Variants in GTF2F2 observed in about 807,000 individuals in gnomAD.
The protein encoded by GTF2F2 is ATP-dependent helicase GTF2F2.
A neutral mutation model predicts 42.2 loss-of-function variants in GTF2F2; 23 were observed. That is an observed-to-expected ratio of 0.55 (90% CI 0.39 to 0.77). The LOEUF (loss-of-function observed/expected upper bound fraction) is 0.77. GTF2F2 is among the 30% of genes least tolerant of loss of function. The pLI, the probability that GTF2F2 is intolerant of heterozygous loss-of-function variation, is 0.00. For missense variants in GTF2F2, 261 were observed against 287.2 expected, an observed-to-expected ratio of 0.91 and a Z score of 0.66; for synonymous variants, 105 against 100.8, an observed-to-expected ratio of 1.04 and a Z score of -0.25.
At chr13:45,192,621 A>G (rs566302138) in intron 4 of GTF2F2, among the ~76,000 whole-genome samples, 12 of 152,176 alleles carry the variant, frequency 7.9e-5, no homozygotes, top group Non-Finnish European at 1.8e-4. Context: ...CAGGGGGAAA[A>G]TACACTCATT....
intron 5 of GTF2F2, among the ~76,000 whole-genome samples, chr13:45,245,293 A>C (rs1875528471): frequency 6.6e-6 from 1 of 151,440 alleles, no homozygotes; most frequent in Non-Finnish European, 1.5e-5. Flanking sequence ...TATTCTTTAA[A>C]ATTTTTTTTT....
chr13:45,159,633 G>A (rs748439263), intron 4 of GTF2F2, among the ~76,000 whole-genome samples: 2 of 152,084 alleles, frequency 1.3e-5, no homozygotes, highest in Admixed American at 6.5e-5. Context: ...CCACCACGCC[G>A]GGCTAATTTT....
intron 6 of GTF2F2, among the ~76,000 whole-genome samples, chr13:45,257,579 T>C (rs1876155085): frequency 6.6e-6 from 1 of 152,184 alleles, no homozygotes; most frequent in Non-Finnish European, 1.5e-5. Flanking sequence ...GAACATCAAA[T>C]TTCCCCCCAT....
intron 2 of GTF2F2, among the ~76,000 whole-genome samples, chr13:45,143,286 T>C (rs917541898): frequency 3.3e-5 from 5 of 152,186 alleles, no homozygotes; most frequent in Non-Finnish European, 7.4e-5. Flanking sequence ...TAAAAAAATG[T>C]GTATTTGGGT....
chr13:45,277,226 A>T (rs568654620), intron 7 of GTF2F2, among the ~76,000 whole-genome samples: 2 of 152,302 alleles, frequency 1.3e-5, no homozygotes, highest in South Asian at 4.1e-4. Flanking sequence ...AAAATACCTG[A>T]GACTGGGTAA....
At chr13:45,212,723 G>A (rs1194280901) in intron 5 of GTF2F2, among the ~76,000 whole-genome samples, 1 of 151,520 alleles carries the variant, frequency 6.6e-6, no homozygotes, top group African/African-American at 2.4e-5. Flanking sequence ...CCTCCAGCAC[G>A]GCTGGCTAAT....
At chr13:45,158,324 A>T (rs965734957) in intron 4 of GTF2F2, among the ~76,000 whole-genome samples, 1 of 152,202 alleles carries the variant, frequency 6.6e-6, no homozygotes, top group South Asian at 2.1e-4. Context: ...CATGTAAGAC[A>T]TGCCTTTTGC....
At position 45,160,675 on chromosome 13, in the gene GTF2F2, G is replaced by A. The variant is rs147165081; in HGVS notation, c.304+8844G>A. Among the ~76,000 whole-genome samples, 748 of 151,818 alleles carry A rather than the reference G, an allele frequency of 4.9e-3. 8 individuals are homozygous for A. The highest frequency in any genetic ancestry group is 0.017 in the African/African-American group (709 of 41,378). On this transcript the variant is annotated intron_variant, in intron 4 of 7. Transcript: ENST00000340473. ...AAAAGTTTTTAAATATAGGGGAGCTGTTAAGTTTATGGTGATAGGTACAAG... is the reference window on the plus strand; with the variant it reads ...AAAAGTTTTTAAATATAGGGGAGCTATTAAGTTTATGGTGATAGGTACAAG...
intron 4 of GTF2F2, among the ~76,000 whole-genome samples, chr13:45,157,924 T>C (rs1346734108): frequency 6.6e-6 from 1 of 152,190 alleles, no homozygotes; most frequent in Non-Finnish European, 1.5e-5. Flanking sequence ...AAATAGAAAA[T>C]CAAATTTCAT....
chr13:45,185,843 G>GCA (rs1317011244), intron 4 of GTF2F2, among the ~76,000 whole-genome samples: 1 of 152,060 alleles, frequency 6.6e-6, no homozygotes, highest in African/African-American at 2.4e-5. Flanking sequence ...ACACAGCTAT[G>GCA]CACAGTCTTT....
intron 4 of GTF2F2, among the ~76,000 whole-genome samples, chr13:45,167,420 A>C (rs1446792492): frequency 1.1e-5 from 1 of 88,588 alleles, no homozygotes; most frequent in African/African-American, 4.9e-5. Context: ...TTTTTTTGAG[A>C]TAGAGCCTTG....
intron 4 of GTF2F2, among the ~76,000 whole-genome samples, chr13:45,162,794 T>A (rs370087037): frequency 1.3e-5 from 2 of 152,200 alleles, no homozygotes; most frequent in African/African-American, 4.8e-5. Flanking sequence ...AGTTTTTAAT[T>A]GTGAAATATT....
intron 5 of GTF2F2, among the ~76,000 whole-genome samples, chr13:45,244,176 A>G (rs1357827610): frequency 6.6e-6 from 1 of 152,130 alleles, no homozygotes; most frequent in East Asian, 1.9e-4. Flanking sequence ...ATAGAATTGT[A>G]TTAGTTGTAG....
At chr13:45,184,771 T>G (rs759000127) in intron 4 of GTF2F2, among the ~76,000 whole-genome samples, 2 of 152,050 alleles carry the variant, frequency 1.3e-5, no homozygotes, top group Non-Finnish European at 2.9e-5. Flanking sequence ...AACACCTGAG[T>G]GTTAACTGCC....
In GTF2F2 at chr13:45,253,656, C is replaced by T. The variant is rs373755221; in HGVS notation, c.486+686C>T. ...TGAGTAGTATGATGAAACCTAGCACCATCTTGCTCCATCCCATCCATGATG... is the reference window on the plus strand; with the variant it reads ...TGAGTAGTATGATGAAACCTAGCACTATCTTGCTCCATCCCATCCATGATG... On this transcript the variant is annotated intron_variant, in intron 6 of 7. Coordinates refer to ENST00000340473, the MANE Select transcript of GTF2F2 (RefSeq NM_004128.3). Among the ~76,000 whole-genome samples the T allele has an allele frequency of 9.8e-5, 15 of 152,302 alleles. No individual in the cohort carries two copies. The East Asian group carries it at 2.9e-3, about 29-fold the overall frequency.
At chr13:45,169,047 A>T (rs1289317568) in intron 4 of GTF2F2, among the ~76,000 whole-genome samples, 3 of 144,940 alleles carry the variant, frequency 2.1e-5, no homozygotes, top group African/African-American at 7.8e-5. Flanking sequence ...CCAGGCTGGG[A>T]TTTCTCCATG....
intron 7 of GTF2F2, among the ~76,000 whole-genome samples, chr13:45,275,415 T>G (rs1876989826): frequency 6.6e-6 from 1 of 151,736 alleles, no homozygotes; most frequent in African/African-American, 2.4e-5. Flanking sequence ...AACTCATCAT[T>G]TACATTAGGT....
chr13:45,126,169 G>A (rs1191656225), intron 1 of GTF2F2, among the ~76,000 whole-genome samples: 3 of 151,974 alleles, frequency 2.0e-5, no homozygotes, highest in African/African-American at 7.3e-5. Flanking sequence ...GGCTTTAGAG[G>A]CTAGCAGTTG....
At chr13:45,220,503 A>G (rs1301110196) in intron 5 of GTF2F2, among the ~76,000 whole-genome samples, 1 of 152,190 alleles carries the variant, frequency 6.6e-6, no homozygotes, top group Non-Finnish European at 1.5e-5. Flanking sequence ...AGTATTTTCC[A>G]TACTTATACT....
Sources: allele counts gnomAD v4.1 joint callset (sites outside exome capture counted in the v4.1 genomes callset), GRCh38; gene constraint gnomAD v4.1.1; transcripts MANE v1.5; gene names NCBI Gene and HGNC (gene_info 2026-07-23, HGNC 2026-07-21).